Variants in DPY19L4 observed in about 807,000 individuals in gnomAD.
DPY19L4 encodes the protein dpy-19 like 4.
A neutral mutation model predicts 102.8 loss-of-function variants in DPY19L4; 97 were observed. The observed-to-expected ratio is 0.94, with a 90% confidence interval of 0.80 to 1.12. The LOEUF is 1.12. DPY19L4 is among the 50% of genes most tolerant of loss of function. The pLI is 0.00. For missense variants in DPY19L4, 815 were observed against 850.4 expected, an observed-to-expected ratio of 0.96 and a Z score of 0.52; for synonymous variants, 252 against 283.1, an observed-to-expected ratio of 0.89 and a Z score of 1.10.
In DPY19L4 at chr8:94,788,046, T is replaced by C; in HGVS notation, c.2001T>C (p.Asn667=). ...CRVKDLLDIA[N]GHMVCEEGDK... ...TTAAAGATTTATTAGACATTGCAAA[T>C]GGCCACGTAAGTAACCATTTGGAAA... Residue 667 remains asparagine (N), a synonymous_variant, in exon 18 of 19, where the codon AAT becomes AAC. Coordinates refer to ENST00000414645, the MANE Select transcript of DPY19L4 (RefSeq NM_181787.3). 6.9e-7 allele frequency: 1 copy of C among 1,447,232 alleles called. No homozygotes were observed. 89.6% of individuals were successfully genotyped at this position (1,447,232 alleles called of 1,614,324 possible).
At chr8:94,741,760 C>T (rs1382607186) in intron 6 of DPY19L4, among the ~76,000 whole-genome samples, 1 of 152,226 alleles carries the variant, frequency 6.6e-6, no homozygotes, top group Non-Finnish European at 1.5e-5. Context: ...GTTCTTTTGA[C>T]ACAACTTTGT....
intron 6 of DPY19L4, among the ~76,000 whole-genome samples, chr8:94,745,710 GGAAA>G (rs1811641374): frequency 6.6e-6 from 1 of 152,122 alleles, no homozygotes; most frequent in African/African-American, 2.4e-5. Flanking sequence ...TCAAAAAGAA[GGAAA>G]GAGTTTGTTA....
intron 2 of DPY19L4, among the ~76,000 whole-genome samples, chr8:94,733,357 C>T (rs190570654): frequency 2.2e-4 from 33 of 151,990 alleles, no homozygotes; most frequent in African/African-American, 7.2e-4. Flanking sequence ...GATCTCCTGA[C>T]CTTGTGATCC....
intron 13 of DPY19L4, among the ~76,000 whole-genome samples, chr8:94,772,855 T>C (rs1341547864): frequency 6.6e-6 from 1 of 152,184 alleles, no homozygotes; most frequent in Non-Finnish European, 1.5e-5. Flanking sequence ...CAAATCTCTT[T>C]TTAGGCAAGG....
intron 7 of DPY19L4, among the ~76,000 whole-genome samples, chr8:94,759,106 C>T (rs1201657310): frequency 6.6e-6 from 1 of 152,068 alleles, no homozygotes; most frequent in Non-Finnish European, 1.5e-5. Flanking sequence ...ATGGCATGGA[C>T]CCAAAGAGTG....
chr8:94,754,562 C>T (rs1398926761), intron 6 of DPY19L4, among the ~76,000 whole-genome samples: 4 of 152,106 alleles, frequency 2.6e-5, no homozygotes, highest in Admixed American at 1.3e-4. Flanking sequence ...GTATGTTCAT[C>T]ATTATTACTT....
chr8:94,724,404 T>A (rs1810599240), intron 1 of DPY19L4, among the ~76,000 whole-genome samples: 1 of 152,252 alleles, frequency 6.6e-6, no homozygotes, highest in Non-Finnish European at 1.5e-5. Flanking sequence ...ATATTTGATT[T>A]TGCATAAATA....
chr8:94,743,071 A>G (rs1811516262), intron 6 of DPY19L4, among the ~76,000 whole-genome samples: 1 of 151,756 alleles, frequency 6.6e-6, no homozygotes, highest in Non-Finnish European at 1.5e-5. Flanking sequence ...CTTGTCGCCC[A>G]GGCTAGAGTG....
At chr8:94,729,597 CAA>C (rs770975687) in intron 2 of DPY19L4, among the ~76,000 whole-genome samples, 56 of 31,030 alleles carry the variant, frequency 1.8e-3, no homozygotes, top group Non-Finnish European at 2.6e-3. Context: ...GATTCCATCT[CAA>C]AAAAAAAAAA....
chr8:94,785,200 T>C (rs1282182507), intron 17 of DPY19L4, among the ~76,000 whole-genome samples: 1 of 152,152 alleles, frequency 6.6e-6, no homozygotes, highest in East Asian at 1.9e-4. Flanking sequence ...CTCCTACTTG[T>C]GAGAATTAAA....
rs1004024819 is a variant in DPY19L4 at position 94,777,758 on chromosome 8, G to A, written c.1547G>A (p.Arg516Gln). The change falls in exon 14 of 19, where the codon CGA (arginine) becomes CAA (glutamine). Residue 516 changes from arginine to glutamine, a missense_variant. Coordinates refer to ENST00000414645, the MANE Select transcript of DPY19L4 (RefSeq NM_181787.3). ...TGGATGACACTTTTCAAGTGGCTTC[G>A]ATTAAGAACTGTACACCCAATATTG... ...ELWMTLFKWLRLRTVHPILLA... is the reference protein window; with the variant it reads ...ELWMTLFKWLQLRTVHPILLA... The A allele has an allele frequency of 1.4e-5, 23 of 1,613,694 alleles. No homozygotes were observed. In the African/African-American group the frequency reaches 2.7e-4, roughly 19 times the overall value.
chr8:94,761,724 G>A lies in DPY19L4; in HGVS notation c.760G>A (p.Ala254Thr), dbSNP rs1169211434. The change falls in exon 8 of 19, where the codon GCT becomes ACT. Residue 254 changes from alanine to threonine, a missense_variant. Transcript: ENST00000414645. ...GAGGTTTTGCTACTTGTTGATGAGT[G>A]CTTCAACTTACACATTTATGATGAT... The part of the protein sequence containing the change: ...GERFCYLLMS[A>T]STYTFMMMWE... The A allele has an allele frequency of 1.9e-6, 3 of 1,605,828 alleles. No individual in the cohort carries two copies. The highest frequency in any genetic ancestry group is 1.7e-6 in the Non-Finnish European group (2 of 1,177,116).
intron 17 of DPY19L4, 47 bp from the exon 18 acceptor site, chr8:94,787,842 AATTTT>A (rs1813718005): frequency 3.7e-6 from 4 of 1,078,284 alleles, no homozygotes; most frequent in Non-Finnish European, 4.7e-6. Context: ...ATGTCCTTTA[AATTTT>A]ATTTTAATTA....
chr8:94,780,596 T>C (rs561119541), intron 15 of DPY19L4, among the ~76,000 whole-genome samples, 181 bp downstream of exon 15: 1 of 152,260 alleles, frequency 6.6e-6, no homozygotes, highest in East Asian at 1.9e-4. Context: ...AAAACATTTC[T>C]AGAATGCCAC....
chr8:94,782,704 T>C (rs977799150), intron 16 of DPY19L4, among the ~76,000 whole-genome samples: 27 of 152,336 alleles, frequency 1.8e-4, no homozygotes, highest in African/African-American at 6.3e-4. Context: ...GAAACAAGAA[T>C]AGATTTTATT....
rs754492775 is a variant in DPY19L4, at chr8:94,765,263, A to C, written c.951A>C (p.Val317=). The part of the protein sequence containing the change: ...LLQFENPALL[V]SPLLSLVAAL... ...AGTTTGAGAATCCAGCTTTGTTGGTATCTCCTTTATTAAGTTTAGTAGCAG... is the reference window on the plus strand; with the variant it reads ...AGTTTGAGAATCCAGCTTTGTTGGTCTCTCCTTTATTAAGTTTAGTAGCAG... The change falls in exon 9 of 19, where the codon GTA becomes GTC. Residue 317 remains valine (V), a synonymous_variant. Coordinates refer to ENST00000414645, the MANE Select transcript of DPY19L4 (RefSeq NM_181787.3). 2 of 1,609,986 alleles carry C rather than the reference A, an allele frequency of 1.2e-6. No homozygotes were observed. The highest frequency in any genetic ancestry group is 2.2e-5 in the South Asian group (2 of 89,544).
At chr8:94,786,752 T>C (rs2130945298) in intron 17 of DPY19L4, among the ~76,000 whole-genome samples, 1 of 152,290 alleles carries the variant, frequency 6.6e-6, no homozygotes, top group South Asian at 2.1e-4. Flanking sequence ...TTTGCCATGT[T>C]AGCCAGGCTG....
At chr8:94,724,520 AT>A (rs1810603644) in intron 1 of DPY19L4, among the ~76,000 whole-genome samples, 1 of 152,230 alleles carries the variant, frequency 6.6e-6, no homozygotes, top group African/African-American at 2.4e-5. Flanking sequence ...ATTGACCTAG[AT>A]TTATATACAG....
At chr8:94,742,439 C>T (rs1435080506) in intron 6 of DPY19L4, among the ~76,000 whole-genome samples, 1 of 152,044 alleles carries the variant, frequency 6.6e-6, no homozygotes, top group Non-Finnish European at 1.5e-5. Flanking sequence ...GTTGCTTAGG[C>T]TGGAGTGCAA....
Sources: gnomAD v4.1 joint callset for allele counts (sites outside exome capture counted in the v4.1 genomes callset) on GRCh38, gnomAD v4.1.1 for gene constraint, MANE v1.5 for transcripts, NCBI Gene and HGNC (gene_info 2026-07-23, HGNC 2026-07-21) for gene names.